NCKAP5: variants seen among roughly 807,000 people sequenced by gnomAD.
The protein encoded by NCKAP5 is nck-associated protein 5.
Under a neutral mutation model 167.0 loss-of-function variants are expected in NCKAP5, and 92 were observed. The observed-to-expected ratio is 0.55, with a 90% CI of 0.47 to 0.66. NCKAP5 has a LOEUF of 0.66. Ranked by LOEUF, NCKAP5 falls within the 30% of genes least tolerant of loss-of-function variation. The pLI is 0.00. For synonymous variants in NCKAP5, 891 were observed against 877.4 expected (o/e 1.02, Z -0.27); for missense variants, 2,378 against 2,315.0 (o/e 1.03, Z -0.56).
At chr2:133,498,436 AAGG>A (rs1682143268) in intron 3 of NCKAP5, among the ~76,000 whole-genome samples, 2 of 83,398 alleles carry the variant, frequency 2.4e-5, no homozygotes, top group African/African-American at 1.4e-4. Flanking sequence ...AGAAAAACGG[AAGG>A]AAGGAAGGAA....
rs569399633 is a variant in NCKAP5, at chr2:133,229,822, T to A, written c.144-16043A>T. Among the ~76,000 whole-genome samples the A allele has an allele frequency of 7.9e-5, 12 of 152,218 alleles. No individual in the cohort carries two copies. In the South Asian group the frequency reaches 2.1e-3, roughly 26 times the overall value. ...CGGACACACACACACAAAACCTCCA[T>A]GAATTTCATGGGAACCTCTCAAAAT... is the stretch of plus-strand genomic sequence containing the variant. On this transcript the variant is annotated intron_variant, in intron 4 of 19. Coordinates refer to ENST00000409261, the MANE Select transcript of NCKAP5 (RefSeq NM_207363.3).
chr2:133,371,651 A>G (rs1285052735), intron 3 of NCKAP5, among the ~76,000 whole-genome samples: 1 of 152,214 alleles, frequency 6.6e-6, no homozygotes, highest in Non-Finnish European at 1.5e-5. Flanking sequence ...TGCTATGTAA[A>G]GTTTGTACAT....
intron 2 of NCKAP5, among the ~76,000 whole-genome samples, chr2:133,536,515 T>C (rs1685778129): frequency 2.6e-5 from 4 of 152,104 alleles, no homozygotes; most frequent in Non-Finnish European, 5.9e-5. Context: ...TTTGTACCAG[T>C]ACCATGCTGT....
At chr2:133,197,534 G>A (rs2085490243) in intron 5 of NCKAP5, among the ~76,000 whole-genome samples, 1 of 151,820 alleles carries the variant, frequency 6.6e-6, no homozygotes, top group Non-Finnish European at 1.5e-5. Context: ...TGAAGAACAG[G>A]GAAAATCTCA....
chr2:132,898,713 A>T lies in NCKAP5; in HGVS notation c.580-19797T>A, dbSNP rs535220815. ...AGAGCTCTTGGATGGCAAGGTACAT[A>T]GTTTATGAGTAGTAATATTTGGAAA... is the stretch of plus-strand genomic sequence containing the variant. On this transcript the variant is annotated intron_variant, in intron 8 of 19. Coordinates refer to ENST00000409261, the MANE Select transcript of NCKAP5 (RefSeq NM_207363.3). 2.0e-5 allele frequency among the ~76,000 whole-genome samples: 3 copies of T among 152,348 alleles called. No individual in the cohort carries two copies. The South Asian group carries it at 6.2e-4, about 32-fold the overall frequency.
At chr2:133,543,115 T>C (rs1462469176) in intron 2 of NCKAP5, among the ~76,000 whole-genome samples, 1 of 152,122 alleles carries the variant, frequency 6.6e-6, no homozygotes, top group African/African-American at 2.4e-5. Context: ...GGATCACTCA[T>C]AAATGGCTTG....
intron 8 of NCKAP5, among the ~76,000 whole-genome samples, chr2:132,908,190 CA>C (rs1478545261): frequency 3.3e-5 from 5 of 152,136 alleles, no homozygotes; most frequent in African/African-American, 9.6e-5. Flanking sequence ...TTACACAAAA[CA>C]TTTTTTTTTT....
At chr2:133,291,691 C>T (rs1427535559) in intron 4 of NCKAP5, among the ~76,000 whole-genome samples, 1 of 152,218 alleles carries the variant, frequency 6.6e-6, no homozygotes, top group Non-Finnish European at 1.5e-5. Context: ...CTGAGGCAAA[C>T]TCCAGAGGCT....
intron 2 of NCKAP5, among the ~76,000 whole-genome samples, chr2:133,550,462 T>A (rs1202770935): frequency 6.6e-6 from 1 of 151,612 alleles, no homozygotes; most frequent in Non-Finnish European, 1.5e-5. Flanking sequence ...TCAATAAATG[T>A]AATCCAGCAT....
intron 4 of NCKAP5, among the ~76,000 whole-genome samples, chr2:133,298,063 C>A (rs139272179): frequency 1.3e-3 from 193 of 152,286 alleles, no homozygotes; most frequent in African/African-American, 4.1e-3. Context: ...GGATTTCCTA[C>A]ACTGTTCACT....
intron 19 of NCKAP5, among the ~76,000 whole-genome samples, chr2:132,693,949 G>C (rs990965412): frequency 1.3e-5 from 2 of 151,786 alleles, no homozygotes; most frequent in Non-Finnish European, 2.9e-5. Context: ...AAGCCCTCTC[G>C]TTTATGGCAG....
intron 6 of NCKAP5, among the ~76,000 whole-genome samples, chr2:133,004,535 G>T (rs1349958888): frequency 2.0e-5 from 3 of 152,054 alleles, no homozygotes; most frequent in Non-Finnish European, 4.4e-5. Context: ...AAAAGGGGAG[G>T]GGTGTACGAA....
chr2:133,297,835 T>G (rs923948211), intron 4 of NCKAP5, among the ~76,000 whole-genome samples: 6 of 152,168 alleles, frequency 3.9e-5, no homozygotes, highest in African/African-American at 1.4e-4. Flanking sequence ...TTAGCAGCAA[T>G]GACAAATAGC....
At chr2:133,359,437 G>A (rs1684951112) in intron 3 of NCKAP5, among the ~76,000 whole-genome samples, 1 of 152,176 alleles carries the variant, frequency 6.6e-6, no homozygotes, top group Admixed American at 6.5e-5. Flanking sequence ...GAGATTTTGT[G>A]TGATTTGTCA....
rs1229981107 is a variant in NCKAP5 at position 132,920,761 on chromosome 2, A to ATG, written c.580-41846_580-41845insCA. On this transcript the variant is annotated intron_variant, in intron 8 of 19. Transcript: ENST00000409261. ...TATATATGTGTATATATATATGTAT[A>ATG]TATATGTATGTATATATATATATAT... Among the ~76,000 whole-genome samples, 56 of 77,594 alleles carry ATG rather than the reference A, an allele frequency of 7.2e-4. 1 individual carries two copies. Among genetic ancestry groups the ATG allele is most frequent in the African/African-American group, 3.7e-3 (49 of 13,080 alleles). 50.9% of individuals were successfully genotyped at this position (77,594 alleles called of 152,430 possible).
chr2:133,637,026 A>T, the NCKAP5 span, among the ~76,000 whole-genome samples: 40,397 of 152,024 alleles, frequency 0.27, 8,333 homozygotes, highest in African/African-American at 0.56. Context: ...TGGGATTTTT[A>T]AAAATATTTA....
the NCKAP5 span, among the ~76,000 whole-genome samples, chr2:133,599,700 GGATCCT>G: frequency 0.056 from 8,549 of 152,236 alleles, 553 homozygotes; most frequent in East Asian, 0.34. Flanking sequence ...GGCAGTTGTG[GGATCCT>G]GAGGTGCTGG....
At chr2:132,757,084 C>G (rs971740093) in intron 16 of NCKAP5, among the ~76,000 whole-genome samples, 1 of 152,108 alleles carries the variant, frequency 6.6e-6, no homozygotes, top group African/African-American at 2.4e-5. Context: ...TGTTTCATAA[C>G]CTAGTAACCT....
At chr2:133,144,504 T>C (rs1211335664) in intron 5 of NCKAP5, among the ~76,000 whole-genome samples, 1 of 152,126 alleles carries the variant, frequency 6.6e-6, no homozygotes, top group Non-Finnish European at 1.5e-5. Context: ...GTTGCAGAAC[T>C]GTCTTCTTAC....
Sources: gnomAD v4.1 joint callset for allele counts (sites outside exome capture counted in the v4.1 genomes callset) on GRCh38, gnomAD v4.1.1 for gene constraint, MANE v1.5 for transcripts, NCBI Gene and HGNC (gene_info 2026-07-23, HGNC 2026-07-21) for gene names.